SNX25: variants seen among roughly 807,000 people sequenced by gnomAD.
The protein encoded by SNX25 is sorting nexin 25.
A neutral mutation model predicts 113.7 loss-of-function variants in SNX25; 62 were observed. The observed-to-expected ratio is 0.55, with a 90% CI of 0.44 to 0.67. The LOEUF (loss-of-function observed/expected upper bound fraction) is 0.67. Among genes scored for constraint, SNX25 ranks in the 30% least tolerant of loss-of-function variants. The probability of loss-of-function intolerance (pLI) is 0.00; values close to 1 mark genes in which losing one functional copy is unlikely to be tolerated. For missense variants in SNX25, 1,014 were observed against 1,161.0 expected, an observed-to-expected ratio of 0.87 and a Z score of 1.84; for synonymous variants, 421 against 436.2, an observed-to-expected ratio of 0.97 and a Z score of 0.43.
chr4:185,294,820 CT>C (rs553193099), intron 6 of SNX25, among the ~76,000 whole-genome samples: 69 of 145,962 alleles, frequency 4.7e-4, no homozygotes, highest in East Asian at 9.8e-4. Flanking sequence ...AGTACGGATA[CT>C]TTTTTTTTTT....
chr4:185,317,652 T>A (rs2095085314), intron 7 of SNX25, among the ~76,000 whole-genome samples: 1 of 151,786 alleles, frequency 6.6e-6, no homozygotes, highest in African/African-American at 2.4e-5. Flanking sequence ...TAAAAAAGAA[T>A]GAGTTCATGT....
chr4:185,299,223 G>A (rs1753280471), intron 6 of SNX25, among the ~76,000 whole-genome samples: 1 of 152,178 alleles, frequency 6.6e-6, no homozygotes, highest in Non-Finnish European at 1.5e-5. Context: ...GGCGGCACAT[G>A]CGCATAGAAA....
upstream of SNX25, among the ~76,000 whole-genome samples, chr4:185,208,040 A>T (rs1271835807): frequency 6.6e-6 from 1 of 152,210 alleles, no homozygotes; most frequent in African/African-American, 2.4e-5. Flanking sequence ...GAGGGGCTCC[A>T]ATTGGGTGAA....
rs1415217024 is a variant in SNX25, at chr4:185,361,998, C to G, written c.2726C>G (p.Ala909Gly). 3.7e-6 allele frequency: 6 copies of G among 1,613,924 alleles called. No homozygotes were observed. Among genetic ancestry groups the G allele is most frequent in the Non-Finnish European group, 5.1e-6 (6 of 1,180,008 alleles). Residue 909 changes from alanine (A) to glycine (G), a missense_variant, in exon 17 of 19, where the codon GCT becomes GGT. By Grantham distance (60) the Ala-to-Gly change is moderately conservative. Transcript: ENST00000652585. The stretch of plus-strand genomic sequence containing the variant: ...TACTACATCAATATTTTCCGGGATG[C>G]TTTTTGGCCAAATGGGAAGTTGGCA... ...LVYYINIFRD[A>G]FWPNGKLAPP... is the part of the protein sequence containing the mutation.
chr4:185,324,091 G>A (rs1157388226), intron 9 of SNX25, among the ~76,000 whole-genome samples: 1 of 152,152 alleles, frequency 6.6e-6, no homozygotes, highest in East Asian at 1.9e-4. Flanking sequence ...CCCTCTGTCT[G>A]TTTTAGATAC....
intron 15 of SNX25, among the ~76,000 whole-genome samples, chr4:185,357,199 A>G (rs536716267): frequency 2.0e-4 from 30 of 152,336 alleles, no homozygotes; most frequent in African/African-American, 7.0e-4. Context: ...TAAAGTACAC[A>G]GTGATCTGCA....
At chr4:185,318,260 G>A (rs913175307) in intron 7 of SNX25, among the ~76,000 whole-genome samples, 12 of 152,116 alleles carry the variant, frequency 7.9e-5, no homozygotes, top group African/African-American at 2.9e-4. Context: ...TCTACTAATT[G>A]CATGTAATTT....
At chr4:185,249,190 G>A (rs1361757098) in intron 2 of SNX25, among the ~76,000 whole-genome samples, 6 of 152,164 alleles carry the variant, frequency 3.9e-5, no homozygotes, top group African/African-American at 1.4e-4. Context: ...TAGGATAGTT[G>A]TATTTTTAAC....
Position 185,241,507 on chromosome 4 carries a change from GGGGAGA to G in SNX25, c.430-5772_430-5767del, listed in dbSNP as rs1412995031. Among the ~76,000 whole-genome samples the G allele has an allele frequency of 4.1e-4, 41 of 100,008 alleles. 2 individuals carry two copies. The highest frequency in any genetic ancestry group is 8.3e-4 in the African/African-American group (26 of 31,310). The allele number at this position is 100,008 out of a possible 152,430, so 65.6% of individuals were successfully genotyped here. A position where few individuals can be genotyped will look rare whatever the true frequency, so the allele number is the denominator to read the frequency against. ...GAGACTGTGGGGAGAGGGAGACCGTGGGGAGAGGGAGAGGGAGAGGAGGGAGAGGGA... is the reference window on the plus strand; with the variant it reads ...GAGACTGTGGGGAGAGGGAGACCGTGGGGAGAGGGAGAGGAGGGAGAGGGA... On this transcript the variant is annotated intron_variant, in intron 1 of 18. Transcript: ENST00000652585.
rs552313243 is a variant in SNX25 at position 185,351,677 on chromosome 4, T to C, written c.2466+68T>C. ...GCAGATACTAAGCTCATGCTCCTCA[T>C]GGGGGGAAGCAAATCCCTCTATTTT... is the stretch of plus-strand genomic sequence containing the variant. On this transcript the variant is annotated intron_variant, in intron 14 of 18. Transcript: ENST00000652585. The C allele has an allele frequency of 1.6e-5, 24 of 1,513,850 alleles. No homozygotes were observed. The East Asian group carries it at 3.8e-4, about 24-fold the overall frequency. The allele number at this position is 1,513,850 out of a possible 1,614,324, so 93.8% of individuals were successfully genotyped here.
intron 18 of SNX25, 126 bp downstream of exon 18, chr4:185,362,837 C>CTT (rs35348535): frequency 0.037 from 9,101 of 246,634 alleles, 88 homozygotes; most frequent in South Asian, 0.059. Context: ...TCTCCCTTGA[C>CTT]TTTTTTTTTT....
At chr4:185,240,165 T>C (rs1466666203) in intron 1 of SNX25, among the ~76,000 whole-genome samples, 1 of 151,956 alleles carries the variant, frequency 6.6e-6, no homozygotes, top group Admixed American at 6.6e-5. Flanking sequence ...CATGTCTACC[T>C]CTTTCTACAC....
At chr4:185,360,950 T>TATATATATAGATAGATAG (rs1048534398) in intron 16 of SNX25, among the ~76,000 whole-genome samples, 2 of 141,822 alleles carry the variant, frequency 1.4e-5, no homozygotes, top group South Asian at 2.2e-4. Context: ...TATATATATA[T>TATATATATAGATAGATAG]ATAGAATCTG....
chr4:185,261,573 G>T (rs190290805), intron 3 of SNX25, among the ~76,000 whole-genome samples: 1 of 152,268 alleles, frequency 6.6e-6, no homozygotes, highest in African/African-American at 2.4e-5. Flanking sequence ...GTGGTTTTAT[G>T]ATTATCTAAT....
chr4:185,309,857 C>A (rs908545513), intron 6 of SNX25, among the ~76,000 whole-genome samples: 9 of 152,202 alleles, frequency 5.9e-5, no homozygotes, highest in African/African-American at 1.9e-4. Flanking sequence ...TCCATTAAAG[C>A]TTCTCAGTAC....
At chr4:185,265,071 A>G (rs959048588) in intron 4 of SNX25, among the ~76,000 whole-genome samples, 1 of 151,866 alleles carries the variant, frequency 6.6e-6, no homozygotes, top group East Asian at 1.9e-4. Context: ...GGTTCAAGTG[A>G]TCCTCCCACT....
the SNX25 span, chr4:185,376,945 C>T: frequency 6.2e-7 from 1 of 1,613,750 alleles, no homozygotes; most frequent in South Asian, 1.1e-5. Context: ...GGAAATATGC[C>T]AGAGTGTCTC....
chr4:185,266,137 A>G (rs1469232259), intron 4 of SNX25, among the ~76,000 whole-genome samples: 2 of 152,192 alleles, frequency 1.3e-5, no homozygotes, highest in African/African-American at 2.4e-5. Flanking sequence ...CCCATCAGCT[A>G]TTATAACCAA....
rs1277280721 is a variant in SNX25 at position 185,229,449 on chromosome 4, TTGTC to T, written c.430-17843_430-17840del. On this transcript the variant is annotated intron_variant, in intron 1 of 18. Coordinates refer to ENST00000652585, the MANE Select transcript of SNX25 (RefSeq NM_001378034.2). ...GAATCTGCCCCATGTTCTATGTCTG[TTGTC>T]TTTTTTCTCATTGACTGAAGGAATT... is the stretch of plus-strand genomic sequence containing the variant. Among the ~76,000 whole-genome samples the T allele has an allele frequency of 4.6e-5, 7 of 152,334 alleles. No homozygotes were observed. In the South Asian group the frequency reaches 8.3e-4, roughly 18 times the overall value.
Sources: gnomAD v4.1 joint callset for allele counts (sites outside exome capture counted in the v4.1 genomes callset) on GRCh38, gnomAD v4.1.1 for gene constraint, MANE v1.5 for transcripts, NCBI Gene and HGNC (gene_info 2026-07-23, HGNC 2026-07-21) for gene names.